PTPRD: variants seen among roughly 807,000 people sequenced by gnomAD.
PTPRD encodes receptor-type tyrosine-protein phosphatase delta.
Under a neutral mutation model 214.5 loss-of-function variants are expected in PTPRD, and 34 were observed. The ratio of observed to expected loss-of-function variants is 0.16; its 90% CI spans 0.12 to 0.21. The LOEUF is 0.21. Ranked by LOEUF, PTPRD falls within the 10% of genes least tolerant of loss-of-function variation. PTPRD has a pLI of 1.00. For synonymous variants in PTPRD, 1,128 were observed against 845.7 expected, an observed-to-expected ratio of 1.33 and a Z score of -5.79; for missense variants, 2,545 against 2,398.7, an observed-to-expected ratio of 1.06 and a Z score of -1.27.
At chr9:9,149,412 C>G (rs1039247343) in intron 10 of PTPRD, among the ~76,000 whole-genome samples, 8 of 152,172 alleles carry the variant, frequency 5.3e-5, no homozygotes, top group African/African-American at 7.2e-5. Context: ...TGCCAACAAA[C>G]TCAGAGCTCT....
At chr9:8,648,020 A>G (rs1307340273) in intron 12 of PTPRD, among the ~76,000 whole-genome samples, 1 of 152,124 alleles carries the variant, frequency 6.6e-6, no homozygotes, top group African/African-American at 2.4e-5. Context: ...GGATTATTTC[A>G]CATTCCAGAA....
At chr9:10,074,744 T>C (rs1400181867) in intron 3 of PTPRD, among the ~76,000 whole-genome samples, 1 of 151,982 alleles carries the variant, frequency 6.6e-6, no homozygotes, top group Non-Finnish European at 1.5e-5. Context: ...ATTCAGCTTA[T>C]GTTTCCAAAC....
intron 11 of PTPRD, among the ~76,000 whole-genome samples, chr9:8,887,077 G>A (rs2098497125): frequency 6.6e-6 from 1 of 152,128 alleles, no homozygotes; most frequent in Admixed American, 6.5e-5. Context: ...TTTTACATGT[G>A]AGTTAACTGA....
intron 14 of PTPRD, among the ~76,000 whole-genome samples, chr9:8,600,883 G>C (rs555597372): frequency 2.3e-3 from 347 of 152,044 alleles, no homozygotes; most frequent in Non-Finnish European, 3.9e-3. Context: ...GAAAAGCAGA[G>C]GGAAAAATAA....
intron 42 of PTPRD, among the ~76,000 whole-genome samples, chr9:8,339,507 TCTTA>T (rs1347301927): frequency 6.6e-6 from 1 of 152,148 alleles, no homozygotes; most frequent in Non-Finnish European, 1.5e-5. Flanking sequence ...TTTGTTCCAA[TCTTA>T]CTTGTCAAGG....
intron 10 of PTPRD, among the ~76,000 whole-genome samples, chr9:9,072,012 A>T (rs918852539): frequency 6.6e-6 from 1 of 152,110 alleles, no homozygotes; most frequent in African/African-American, 2.4e-5. Flanking sequence ...GTCATATCAG[A>T]GCTCCTGCCA....
chr9:8,564,587 G>A (rs769728552), intron 14 of PTPRD, among the ~76,000 whole-genome samples: 33 of 151,982 alleles, frequency 2.2e-4, no homozygotes, highest in Non-Finnish European at 4.1e-4. Context: ...CTGTAATCCC[G>A]CTACTCAGGG....
At chr9:8,763,535 T>A (rs2154478449) in intron 11 of PTPRD, among the ~76,000 whole-genome samples, 1 of 151,702 alleles carries the variant, frequency 6.6e-6, no homozygotes, top group South Asian at 2.1e-4. Context: ...GCAATAATTA[T>A]GTATTAATAT....
At chr9:8,965,140 G>A (rs1264719271) in intron 11 of PTPRD, among the ~76,000 whole-genome samples, 1 of 152,064 alleles carries the variant, frequency 6.6e-6, no homozygotes, top group Non-Finnish European at 1.5e-5. Context: ...CACTTTGGGA[G>A]GCCGAGGCAG....
intron 11 of PTPRD, among the ~76,000 whole-genome samples, chr9:8,778,397 T>A (rs978652968): frequency 6.6e-6 from 1 of 152,198 alleles, no homozygotes; most frequent in African/African-American, 2.4e-5. Flanking sequence ...TCTGTTGTAT[T>A]CCTGACAGCT....
chr9:9,789,790 CTGTCTCAAAAAAAAAAAAAA>C (rs2098954168), intron 5 of PTPRD, among the ~76,000 whole-genome samples: 2 of 71,798 alleles, frequency 2.8e-5, no homozygotes, highest in Non-Finnish European at 4.9e-5. Flanking sequence ...GAGCCAAACT[CTGTCTCAAAAAAAAAAAAAA>C]AAAAAAAAAA....
chr9:9,355,956 G>A (rs994091253), intron 9 of PTPRD, among the ~76,000 whole-genome samples: 8 of 151,418 alleles, frequency 5.3e-5, no homozygotes, highest in African/African-American at 1.9e-4. Context: ...TGTGTCAAAT[G>A]CTACCAGTAA....
At chr9:9,184,669 T>C (rs2099930275) in intron 9 of PTPRD, among the ~76,000 whole-genome samples, 1 of 152,084 alleles carries the variant, frequency 6.6e-6, no homozygotes. Flanking sequence ...GTTTGGTTTA[T>C]TAGATTTCCC....
At chr9:10,257,128 G>C (rs1564828373) in intron 3 of PTPRD, among the ~76,000 whole-genome samples, 1 of 152,126 alleles carries the variant, frequency 6.6e-6, no homozygotes, top group Admixed American at 6.6e-5. Context: ...ATAATGCTCA[G>C]TAAATGTTAA....
intron 4 of PTPRD, among the ~76,000 whole-genome samples, chr9:10,007,518 G>T (rs1160157447): frequency 2.0e-5 from 3 of 151,918 alleles, no homozygotes; most frequent in Non-Finnish European, 4.4e-5. Context: ...CTGTTTGGAT[G>T]GTTTGGGCAC....
chr9:8,455,462 A>C (rs1261583920), intron 33 of PTPRD, among the ~76,000 whole-genome samples: 2 of 152,190 alleles, frequency 1.3e-5, no homozygotes, highest in Admixed American at 6.5e-5. Flanking sequence ...TAATCTAAAA[A>C]TCTTCACTTT....
chr9:9,911,373 C>A (rs899892186), intron 5 of PTPRD, among the ~76,000 whole-genome samples: 1 of 152,018 alleles, frequency 6.6e-6, no homozygotes, highest in South Asian at 2.1e-4. Context: ...TGTTTGAATG[C>A]AAATGTGCAT....
intron 3 of PTPRD, among the ~76,000 whole-genome samples, chr9:10,073,789 T>A (rs984026921): frequency 6.6e-6 from 1 of 152,144 alleles, no homozygotes; most frequent in African/African-American, 2.4e-5. Flanking sequence ...TCAACTAGAT[T>A]ATGTCACATT....
intron 12 of PTPRD, among the ~76,000 whole-genome samples, chr9:8,710,814 A>C (rs1316304614): frequency 6.6e-6 from 1 of 152,176 alleles, no homozygotes; most frequent in African/African-American, 2.4e-5. Flanking sequence ...TTACATATGA[A>C]GGGCCTTCAA....
Sources: gnomAD v4.1 joint callset for allele counts (sites outside exome capture counted in the v4.1 genomes callset) on GRCh38, gnomAD v4.1.1 for gene constraint, MANE v1.5 for transcripts, NCBI Gene and HGNC (gene_info 2026-07-23, HGNC 2026-07-21) for gene names.